CNTNAP5: variants seen among roughly 807,000 people sequenced by gnomAD.
CNTNAP5 encodes contactin associated protein family member 5.
Under a neutral mutation model 150.2 loss-of-function variants are expected in CNTNAP5, and 72 were observed. The observed-to-expected ratio is 0.48, with a 90% confidence interval of 0.40 to 0.58. The LOEUF (loss-of-function observed/expected upper bound fraction) is 0.58. CNTNAP5 is among the 20% of genes least tolerant of loss of function. The pLI is 0.00. For synonymous variants in CNTNAP5, 672 were observed against 619.8 expected (o/e 1.08, Z -1.25); for missense variants, 1,636 against 1,626.2 (o/e 1.01, Z -0.10).
chr2:124,783,178 C>T (rs549241067), intron 17 of CNTNAP5, among the ~76,000 whole-genome samples: 1 of 152,122 alleles, frequency 6.6e-6, no homozygotes, highest in African/African-American at 2.4e-5. Context: ...TTGCTAGTTA[C>T]TTTGGTGTGT....
chr2:124,538,846 G>A (rs796888981), intron 10 of CNTNAP5, among the ~76,000 whole-genome samples: 1 of 152,150 alleles, frequency 6.6e-6, no homozygotes, highest in Non-Finnish European at 1.5e-5. Context: ...AGATTCCTTG[G>A]TATTGATTCC....
At chr2:124,284,597 T>G (rs1193704516) in intron 3 of CNTNAP5, among the ~76,000 whole-genome samples, 7 of 152,022 alleles carry the variant, frequency 4.6e-5, no homozygotes, top group African/African-American at 1.7e-4. Context: ...ATCCTGCACA[T>G]GTATCCTGGA....
chr2:124,523,617 G>A (rs1694899472), intron 8 of CNTNAP5, among the ~76,000 whole-genome samples: 1 of 152,176 alleles, frequency 6.6e-6, no homozygotes, highest in South Asian at 2.1e-4. Context: ...TTCTCCCAGT[G>A]CCTTTAGAGA....
chr2:124,538,046 G>A (rs1695281667), intron 10 of CNTNAP5, among the ~76,000 whole-genome samples: 1 of 152,140 alleles, frequency 6.6e-6, no homozygotes, highest in South Asian at 2.1e-4. Flanking sequence ...ATTATCACAA[G>A]CACTTCCAAA....
chr2:124,763,966 C>G lies in CNTNAP5; in HGVS notation c.2363-11C>G. On this transcript the variant is annotated splice_polypyrimidine_tract_variant and intron_variant, in intron 15 of 23. Coordinates refer to ENST00000682447, the MANE Select transcript of CNTNAP5 (RefSeq NM_001367498.1). ...ACGATAAACCATGTTGAAGGATTTTCTCATTTGCAGGACGCTTCTGGAACG... is the reference window on the plus strand; with the variant it reads ...ACGATAAACCATGTTGAAGGATTTTGTCATTTGCAGGACGCTTCTGGAACG... 6.2e-7 allele frequency: 1 copy of G among 1,608,042 alleles called. No individual in the cohort carries two copies. Among genetic ancestry groups the G allele is most frequent in the Admixed American group, 1.7e-5 (1 of 58,950 alleles).
intron 1 of CNTNAP5, among the ~76,000 whole-genome samples, chr2:124,215,525 T>C (rs1686133759): frequency 6.6e-6 from 1 of 152,088 alleles, no homozygotes; most frequent in Non-Finnish European, 1.5e-5. Flanking sequence ...TATTATCCCC[T>C]CTTCTTTGAA....
intron 1 of CNTNAP5, among the ~76,000 whole-genome samples, chr2:124,215,823 T>C (rs1349593702): frequency 6.6e-6 from 1 of 152,064 alleles, no homozygotes; most frequent in Non-Finnish European, 1.5e-5. Flanking sequence ...GTCTTTCACT[T>C]CGCAGAAAAA....
At chr2:124,513,044 G>T (rs72968742) in intron 8 of CNTNAP5, among the ~76,000 whole-genome samples, 1 of 152,076 alleles carries the variant, frequency 6.6e-6, no homozygotes, top group African/African-American at 2.4e-5. Context: ...TCTTTTTAAC[G>T]TTTGTTACTA....
intron 3 of CNTNAP5, among the ~76,000 whole-genome samples, chr2:124,300,829 A>G (rs1655802657): frequency 6.6e-6 from 1 of 152,206 alleles, no homozygotes; most frequent in African/African-American, 2.4e-5. Context: ...AAAGGTAACC[A>G]GAGGGCCAAA....
At chr2:124,132,637 T>G (rs1289855436) in intron 1 of CNTNAP5, among the ~76,000 whole-genome samples, 2 of 152,158 alleles carry the variant, frequency 1.3e-5, no homozygotes, top group Non-Finnish European at 2.9e-5. Context: ...TGATATAATA[T>G]TACTAACACT....
intron 13 of CNTNAP5, among the ~76,000 whole-genome samples, chr2:124,731,034 T>C (rs1198243203): frequency 6.6e-6 from 1 of 152,128 alleles, no homozygotes; most frequent in Non-Finnish European, 1.5e-5. Flanking sequence ...ATTCTTCTTA[T>C]GTTGCTGCCT....
chr2:124,401,148 G>A (rs1189315244), intron 3 of CNTNAP5, among the ~76,000 whole-genome samples: 1 of 152,156 alleles, frequency 6.6e-6, no homozygotes, highest in Non-Finnish European at 1.5e-5. Flanking sequence ...TTACAGGTGT[G>A]AGCCATCGTG....
Position 124,727,998 on chromosome 2 carries a change from G to A in CNTNAP5, c.2078-19231G>A, listed in dbSNP as rs72978588. Among the ~76,000 whole-genome samples, 1,107 of 152,090 alleles carry A rather than the reference G, an allele frequency of 7.3e-3. 16 individuals are homozygous for A. Among genetic ancestry groups the A allele is most frequent in the African/African-American group, 0.025 (1,053 of 41,518 alleles). The stretch of plus-strand genomic sequence containing the variant: ...ACATTCCTTCTACTTAATTTGTGGA[G>A]AGTCTTTATCATGAAGCAATGTTGA... On this transcript the variant is annotated intron_variant, in intron 13 of 23. Coordinates refer to ENST00000682447, the MANE Select transcript of CNTNAP5 (RefSeq NM_001367498.1).
chr2:124,325,859 T>G (rs906709862), intron 3 of CNTNAP5, among the ~76,000 whole-genome samples: 1 of 152,162 alleles, frequency 6.6e-6, no homozygotes, highest in Non-Finnish European at 1.5e-5. Context: ...AGACCTCCAC[T>G]AGGGGGATGA....
chr2:124,790,529 T>G (rs542725322), intron 18 of CNTNAP5, among the ~76,000 whole-genome samples: 1 of 152,344 alleles, frequency 6.6e-6, no homozygotes, highest in Non-Finnish European at 1.5e-5. Context: ...TTAGAGATAC[T>G]TAAGCCATCT....
chr2:124,219,699 G>A (rs771761493), intron 1 of CNTNAP5, among the ~76,000 whole-genome samples: 12 of 152,020 alleles, frequency 7.9e-5, no homozygotes, highest in Non-Finnish European at 1.6e-4. Context: ...TGCAAGATCT[G>A]CATTACGTTG....
At chr2:124,136,800 A>G (rs186135848) in intron 1 of CNTNAP5, among the ~76,000 whole-genome samples, 13 of 152,328 alleles carry the variant, frequency 8.5e-5, no homozygotes, top group Admixed American at 8.5e-4. Context: ...TTTTCTGCAC[A>G]TTGCTTAGAC....
chr2:124,391,037 C>T (rs148036631), intron 3 of CNTNAP5, among the ~76,000 whole-genome samples: 20 of 152,292 alleles, frequency 1.3e-4, no homozygotes, highest in Non-Finnish European at 2.5e-4. Context: ...GCCAAACCAG[C>T]GGCGGTTTAA....
intron 1 of CNTNAP5, among the ~76,000 whole-genome samples, chr2:124,087,654 G>A (rs556649162): frequency 3.0e-4 from 46 of 151,852 alleles, no homozygotes; most frequent in Non-Finnish European, 5.1e-4. Context: ...TCTGGGAGGC[G>A]GAGGTTACAG....
Sources: allele counts gnomAD v4.1 joint callset (sites outside exome capture counted in the v4.1 genomes callset), GRCh38; gene constraint gnomAD v4.1.1; transcripts MANE v1.5; gene names NCBI Gene and HGNC (gene_info 2026-07-23, HGNC 2026-07-21).